The following NBEA variants were observed in gnomAD, a reference collection of about 807,000 sequenced individuals.
NBEA encodes the protein neurobeachin.
A neutral mutation model predicts 343.4 loss-of-function variants in NBEA; 44 were observed. That is an observed-to-expected ratio of 0.13 (90% CI 0.10 to 0.16). The LOEUF (loss-of-function observed/expected upper bound fraction) is 0.16. Ranked by LOEUF, NBEA falls within the 10% of genes least tolerant of loss-of-function variation. The pLI is 1.00. For missense variants in NBEA, 2,555 were observed against 3,631.3 expected (o/e 0.70, Z 7.62); for synonymous variants, 1,175 against 1,238.7 (o/e 0.95, Z 1.08).
intron 13 of NBEA, among the ~76,000 whole-genome samples, chr13:35,115,425 G>A (rs184880017): frequency 1.8e-4 from 27 of 152,078 alleles, no homozygotes; most frequent in East Asian, 1.9e-4. Flanking sequence ...ATTCTCATGC[G>A]TGTTCACACC....
intron 1 of NBEA, among the ~76,000 whole-genome samples, chr13:34,975,760 T>A (rs956485213): frequency 4.6e-5 from 7 of 151,448 alleles, no homozygotes; most frequent in Middle Eastern, 3.2e-3. Context: ...AAAAGTGAGC[T>A]AAGGACATGA....
intron 38 of NBEA, among the ~76,000 whole-genome samples, chr13:35,412,978 A>T (rs1054691855): frequency 6.6e-6 from 1 of 152,168 alleles, no homozygotes; most frequent in African/African-American, 2.4e-5. Flanking sequence ...TAGTGAGTAG[A>T]TATGTGTACA....
At chr13:34,954,525 T>C (rs1473377212) in intron 1 of NBEA, among the ~76,000 whole-genome samples, 6 of 152,212 alleles carry the variant, frequency 3.9e-5, no homozygotes, top group Non-Finnish European at 8.8e-5. Flanking sequence ...TTTTAATTTC[T>C]ACATTTTCCT....
rs146246143 is a variant in NBEA at position 34,987,469 on chromosome 13, G to A, written c.294+44355G>A. ...ACCTTGCTAAATCTGACAATTATGT[G>A]TCTTGGGGTTGCTCTTCTGGAGGAG... On this transcript the variant is annotated intron_variant, in intron 1 of 58. Coordinates refer to ENST00000379939, the MANE Select transcript of NBEA (RefSeq NM_001385012.1). Among the ~76,000 whole-genome samples the A allele has an allele frequency of 1.3e-3, 194 of 150,726 alleles. 3 individuals are homozygous for A. In the East Asian group the frequency reaches 0.037, roughly 29 times the overall value.
chr13:34,983,369 C>T (rs1409333783), intron 1 of NBEA, among the ~76,000 whole-genome samples: 2 of 152,144 alleles, frequency 1.3e-5, no homozygotes, highest in Non-Finnish European at 2.9e-5. Context: ...TTTTTTATGG[C>T]TGCATAGTAT....
chr13:35,373,989 C>T (rs574587197), intron 38 of NBEA, among the ~76,000 whole-genome samples: 1 of 152,128 alleles, frequency 6.6e-6, no homozygotes, highest in Non-Finnish European at 1.5e-5. Context: ...CCTCCTTCAT[C>T]AGTGATCTGA....
intron 30 of NBEA, among the ~76,000 whole-genome samples, chr13:35,188,906 G>GTTTTTTTTTTTTTTTTTGT (rs2071949278): frequency 9.1e-6 from 1 of 109,758 alleles, no homozygotes; most frequent in South Asian, 2.9e-4. Flanking sequence ...TTTACTTTTT[G>GTTTTTTTTTTTTTTTTTGT]TTTTTTTTTT....
chr13:34,991,155 C>A (rs1213407136), intron 1 of NBEA, among the ~76,000 whole-genome samples: 1 of 152,198 alleles, frequency 6.6e-6, no homozygotes, highest in Non-Finnish European at 1.5e-5. Context: ...GTCTTATGAG[C>A]TCTCCAAACT....
At chr13:35,250,786 A>G (rs2031857861) in intron 34 of NBEA, among the ~76,000 whole-genome samples, 1 of 152,254 alleles carries the variant, frequency 6.6e-6, no homozygotes. Context: ...AGAAAATTGT[A>G]TAATTAAATG....
intron 38 of NBEA, among the ~76,000 whole-genome samples, chr13:35,366,215 A>T (rs2041100832): frequency 6.6e-6 from 1 of 151,592 alleles, no homozygotes; most frequent in African/African-American, 2.4e-5. Context: ...AAACAGATGA[A>T]CATCAAAATG....
In NBEA at chr13:35,583,951, G is replaced by C; in HGVS notation, c.7089G>C (p.Glu2363Asp). ...KRAVFYAERYETWEDDQSPPY... is the reference protein window; with the variant it reads ...KRAVFYAERYDTWEDDQSPPY... ...CTGTGTTTTATGCAGAGCGTTATGAGACATGGGAAGATGATCAAAGCCCAC... is the reference window on the plus strand; with the variant it reads ...CTGTGTTTTATGCAGAGCGTTATGACACATGGGAAGATGATCAAAGCCCAC... The change falls in exon 46 of 59, where the codon GAG becomes GAC. Residue 2363 changes from glutamate (E) to aspartate (D), a missense_variant. Physicochemically the swap from Glu to Asp is conservative, Grantham distance 45. Transcript: ENST00000379939. 1.2e-6 allele frequency: 2 copies of C among 1,613,534 alleles called. No individual in the cohort carries two copies. Among genetic ancestry groups the C allele is most frequent in the Non-Finnish European group, 1.7e-6 (2 of 1,179,618 alleles).
At chr13:35,250,973 G>T (rs1019781526) in intron 34 of NBEA, 2 of 152,794 alleles carry the variant, frequency 1.3e-5, no homozygotes, top group Non-Finnish European at 1.5e-5. Flanking sequence ...AATGGTATCA[G>T]TGCTGTAACT....
chr13:35,187,405 T>G (rs2071797177), intron 30 of NBEA, among the ~76,000 whole-genome samples: 1 of 151,490 alleles, frequency 6.6e-6, no homozygotes, highest in African/African-American at 2.4e-5. Context: ...TACTGACAAT[T>G]TTGGAAATAA....
intron 10 of NBEA, among the ~76,000 whole-genome samples, chr13:35,092,386 T>C (rs1028487763): frequency 6.6e-6 from 1 of 152,022 alleles, no homozygotes; most frequent in Admixed American, 6.6e-5. Flanking sequence ...TGACTTTGTC[T>C]AAGTTAAAAA....
chr13:35,411,237 T>C (rs1379115728), intron 38 of NBEA, among the ~76,000 whole-genome samples: 1 of 152,214 alleles, frequency 6.6e-6, no homozygotes, highest in South Asian at 2.1e-4. Flanking sequence ...GCAGCCAATA[T>C]GGGTGCATTG....
At chr13:35,163,669 A>AT (rs1566391808) in intron 23 of NBEA, among the ~76,000 whole-genome samples, 1 of 151,798 alleles carries the variant, frequency 6.6e-6, no homozygotes, top group African/African-American at 2.4e-5. Flanking sequence ...AAAGCAGGGT[A>AT]TTTTTTTGAC....
rs535874147 is a variant in NBEA at position 34,957,902 on chromosome 13, C to T, written c.294+14788C>T. The stretch of plus-strand genomic sequence containing the variant: ...GCTTTATTTGTCTCTTTGTTTGCTT[C>T]TTTTTGTTTGTGTACAGCTATACTA... On this transcript the variant is annotated intron_variant, in intron 1 of 58. Transcript: ENST00000379939. Among the ~76,000 whole-genome samples, 339 of 152,104 alleles carry T rather than the reference C, an allele frequency of 2.2e-3. 1 individual carries two copies. Among genetic ancestry groups the T allele is most frequent in the African/African-American group, 7.8e-3 (323 of 41,524 alleles).
intron 28 of NBEA, among the ~76,000 whole-genome samples, chr13:35,178,926 A>G (rs1471927667): frequency 2.0e-5 from 3 of 151,600 alleles, no homozygotes; most frequent in Non-Finnish European, 3.0e-5. Context: ...GATTAAAAAC[A>G]TGGAGCTCAT....
intron 41 of NBEA, among the ~76,000 whole-genome samples, chr13:35,537,928 T>C (rs1594914102): frequency 6.6e-6 from 1 of 152,328 alleles, no homozygotes; most frequent in East Asian, 1.9e-4. Flanking sequence ...ATGATTTCTG[T>C]TGACTGCTTT....
Sources: gnomAD v4.1 joint callset for allele counts (sites outside exome capture counted in the v4.1 genomes callset) on GRCh38, gnomAD v4.1.1 for gene constraint, MANE v1.5 for transcripts, NCBI Gene and HGNC (gene_info 2026-07-23, HGNC 2026-07-21) for gene names.